KIZ: variants seen among roughly 807,000 people sequenced by gnomAD.
The protein encoded by KIZ is kizuna centrosomal protein.
In KIZ, 68 loss-of-function variants were observed where a neutral mutation model predicts 79.6. That is an observed-to-expected ratio of 0.85 (90% CI 0.70 to 1.05). The LOEUF is 1.05. KIZ is among the 50% of genes least tolerant of loss of function. The pLI is 0.00. For missense variants in KIZ, 797 were observed against 800.4 expected (o/e 1.00, Z 0.05); for synonymous variants, 280 against 281.8 (o/e 0.99, Z 0.06).
chr20:21,212,986 C>A (rs2036132417), intron 7 of KIZ, among the ~76,000 whole-genome samples: 1 of 152,146 alleles, frequency 6.6e-6, no homozygotes, highest in Non-Finnish European at 1.5e-5. Context: ...AGAGGAAAAG[C>A]CCCTGGTCAC....
At chr20:21,206,464 C>T (rs7270722) in intron 7 of KIZ, among the ~76,000 whole-genome samples, 2,411 of 151,798 alleles carry the variant, frequency 0.016, 71 homozygotes, top group African/African-American at 0.056. Context: ...TTTGATGGTA[C>T]GAGTTGGGGG....
At chr20:21,131,069 A>G (rs6075769) in intron 1 of KIZ, among the ~76,000 whole-genome samples, 114,938 of 152,114 alleles carry the variant, frequency 0.76, 43,920 homozygotes, top group African/African-American at 0.88. Flanking sequence ...TTTAGCTTCA[A>G]TTAGGTGGGA....
At chr20:21,219,422 A>G (rs1040114104) in intron 9 of KIZ, among the ~76,000 whole-genome samples, 2 of 151,764 alleles carry the variant, frequency 1.3e-5, no homozygotes, top group African/African-American at 4.8e-5. Context: ...GGCTCAAGTG[A>G]TCTTCCTTCC....
intron 2 of KIZ, among the ~76,000 whole-genome samples, chr20:21,134,705 T>C (rs1330286504): frequency 6.6e-6 from 1 of 150,876 alleles, no homozygotes; most frequent in South Asian, 2.1e-4. Flanking sequence ...CTTGCTCTGT[T>C]GCCTAGGCTG....
At chr20:21,176,962 A>G (rs1456787345) in intron 6 of KIZ, among the ~76,000 whole-genome samples, 1 of 152,232 alleles carries the variant, frequency 6.6e-6, no homozygotes, top group Admixed American at 6.5e-5. Flanking sequence ...AGGCAGAATA[A>G]TATTTCATTG....
At chr20:21,127,671 AACTC>A (rs1419489623) in intron 1 of KIZ, among the ~76,000 whole-genome samples, 7 of 152,220 alleles carry the variant, frequency 4.6e-5, no homozygotes, top group African/African-American at 1.7e-4. Flanking sequence ...ATTTATAACT[AACTC>A]AAATTAATGC....
chr20:21,150,021 C>G (rs192110741), intron 4 of KIZ, among the ~76,000 whole-genome samples: 1 of 152,174 alleles, frequency 6.6e-6, no homozygotes, highest in Non-Finnish European at 1.5e-5. Context: ...GGTTATCACT[C>G]ATAGCACCTG....
chr20:21,176,688 G>A (rs2034450408), intron 6 of KIZ, among the ~76,000 whole-genome samples: 1 of 152,114 alleles, frequency 6.6e-6, no homozygotes, highest in Non-Finnish European at 1.5e-5. Context: ...ATATGCTAGG[G>A]CTCTAGGGCT....
intron 9 of KIZ, among the ~76,000 whole-genome samples, chr20:21,221,414 C>T (rs543969574): frequency 6.6e-6 from 1 of 152,240 alleles, no homozygotes; most frequent in East Asian, 1.9e-4. Context: ...TTCAGTCATG[C>T]ACTCCACCAA....
chr20:21,188,986 G>A (rs144092104), intron 6 of KIZ, among the ~76,000 whole-genome samples: 2,998 of 152,024 alleles, frequency 0.02, 93 homozygotes, highest in African/African-American at 0.067. Flanking sequence ...GGGATTACAG[G>A]TGTGAGCCAC....
chr20:21,238,655 C>T (rs752407577), intron 11 of KIZ, among the ~76,000 whole-genome samples: 27 of 152,172 alleles, frequency 1.8e-4, no homozygotes, highest in Non-Finnish European at 3.2e-4. Context: ...GTTCCACTGT[C>T]ATCAGTTCTC....
chr20:21,215,816 A>G (rs2036264735), intron 9 of KIZ, among the ~76,000 whole-genome samples, 168 bp downstream of exon 9: 1 of 152,216 alleles, frequency 6.6e-6, no homozygotes, highest in Non-Finnish European at 1.5e-5. Flanking sequence ...TACTTATGTT[A>G]ACATAAACTA....
At chr20:21,244,309 C>T in intron 12 of KIZ, 21 bp downstream of exon 12, 3 of 1,557,406 alleles carry the variant, frequency 1.9e-6, no homozygotes, top group Non-Finnish European at 2.7e-6. Flanking sequence ...TAATCGGACA[C>T]TAGATTTTCT....
Position 21,132,300 on chromosome 20 carries a change from T to G in KIZ, c.152+141T>G, listed in dbSNP as rs112959409. The stretch of plus-strand genomic sequence containing the variant: ...TTTGTTTAGTTTTTTTGAGATGGAG[T>G]CTTGCTCTTTCGCTCAGGCTGGAGT... On this transcript the variant is annotated intron_variant, in intron 2 of 12. Coordinates refer to ENST00000619189, the MANE Select transcript of KIZ (RefSeq NM_018474.6). The G allele has an allele frequency of 5.8e-3, 3,210 of 553,568 alleles. 84 individuals are homozygous for G. The highest frequency in any genetic ancestry group is 0.055 in the African/African-American group (2,835 of 51,084). The allele number at this position is 553,568 out of a possible 1,614,324, so 34.3% of individuals were successfully genotyped here. A position where few individuals can be genotyped will look rare whatever the true frequency, so the allele number is the denominator to read the frequency against.
intron 6 of KIZ, 78 bp from the exon 7 acceptor site, chr20:21,205,413 C>T (rs935579637): frequency 5.0e-5 from 30 of 599,672 alleles, no homozygotes; most frequent in Admixed American, 9.4e-5. Flanking sequence ...CTTCTACTAA[C>T]GTAATTGAGG....
intron 6 of KIZ, among the ~76,000 whole-genome samples, chr20:21,183,207 G>T (rs887065335): frequency 6.6e-5 from 10 of 152,304 alleles, no homozygotes; most frequent in Admixed American, 6.5e-4. Flanking sequence ...GTTAAAATGG[G>T]AATGCAACAG....
intron 9 of KIZ, 58 bp downstream of exon 9, chr20:21,215,706 G>T: frequency 1.7e-6 from 2 of 1,183,348 alleles, no homozygotes; most frequent in Admixed American, 2.0e-5. Flanking sequence ...TTATATAAGC[G>T]GAACATTTTG....
chr20:21,159,994 C>T (rs954199671), intron 4 of KIZ, among the ~76,000 whole-genome samples: 2 of 152,202 alleles, frequency 1.3e-5, no homozygotes, highest in Non-Finnish European at 2.9e-5. Flanking sequence ...TCTAATTTCT[C>T]CACATCCTGG....
chr20:21,206,285 C>A (rs2123196280), intron 7 of KIZ, among the ~76,000 whole-genome samples: 1 of 152,180 alleles, frequency 6.6e-6, no homozygotes, highest in South Asian at 2.1e-4. Flanking sequence ...TAAAATGTGA[C>A]CCCCTCCTTC....
Sources: gnomAD v4.1 joint callset for allele counts (sites outside exome capture counted in the v4.1 genomes callset) on GRCh38, gnomAD v4.1.1 for gene constraint, MANE v1.5 for transcripts, NCBI Gene and HGNC (gene_info 2026-07-23, HGNC 2026-07-21) for gene names.